Variants in RGS6 observed in about 807,000 individuals in gnomAD.
RGS6 encodes the protein regulator of G-protein signaling 6.
A neutral mutation model predicts 78.5 loss-of-function variants in RGS6; 30 were observed. The ratio of observed to expected loss-of-function variants is 0.38; its 90% CI spans 0.29 to 0.52. The LOEUF is 0.52. RGS6 is among the 20% of genes least tolerant of loss of function. RGS6 has a pLI of 0.85. For missense variants in RGS6, 495 were observed against 609.7 expected, an observed-to-expected ratio of 0.81 and a Z score of 1.98; for synonymous variants, 206 against 206.0, an observed-to-expected ratio of 1.00 and a Z score of 0.00.
intron 2 of RGS6, among the ~76,000 whole-genome samples, chr14:72,086,762 C>T (rs998571460): frequency 1.3e-5 from 2 of 152,218 alleles, no homozygotes; most frequent in Non-Finnish European, 2.9e-5. Flanking sequence ...CTGAAGCTAA[C>T]TAGTTCCTTT....
chr14:72,311,609 A>G (rs1469338953), intron 2 of RGS6, among the ~76,000 whole-genome samples: 1 of 152,194 alleles, frequency 6.6e-6, no homozygotes, highest in Non-Finnish European at 1.5e-5. Flanking sequence ...GTGATCTGGT[A>G]ATTTCCCTTG....
chr14:72,579,267 A>C, the RGS6 span, among the ~76,000 whole-genome samples: 1 of 152,200 alleles, frequency 6.6e-6, no homozygotes. Flanking sequence ...GCCCCTGAAT[A>C]GTTCAGGGCC....
At chr14:72,445,663 T>G (rs149719382) in intron 3 of RGS6, among the ~76,000 whole-genome samples, 413 of 152,322 alleles carry the variant, frequency 2.7e-3, no homozygotes, top group Non-Finnish European at 4.9e-3. Flanking sequence ...TGTTTATGTA[T>G]TATGATGTGT....
intron 2 of RGS6, among the ~76,000 whole-genome samples, chr14:72,129,030 A>T (rs528304750): frequency 9.8e-4 from 150 of 152,318 alleles, no homozygotes; most frequent in Non-Finnish European, 1.2e-3. Flanking sequence ...CCTCTTAAAA[A>T]TTTTTGCTTT....
chr14:72,113,094 G>T (rs1372134949), intron 2 of RGS6, among the ~76,000 whole-genome samples: 1 of 146,602 alleles, frequency 6.8e-6, no homozygotes, highest in Admixed American at 6.9e-5. Flanking sequence ...ACGCATGCAT[G>T]CACACACATG....
At chr14:72,541,572 G>C in intron 17 of RGS6, 2 of 1,535,710 alleles carry the variant, frequency 1.3e-6, no homozygotes, top group Non-Finnish European at 1.7e-6. Context: ...CGGGCTGTCA[G>C]AGTCAAGGCT....
At chr14:72,041,820 G>A (rs2092426841) in intron 2 of RGS6, among the ~76,000 whole-genome samples, 2 of 152,150 alleles carry the variant, frequency 1.3e-5, no homozygotes, top group Non-Finnish European at 2.9e-5. Flanking sequence ...GAGATCTGGG[G>A]CATCCTATTT....
chr14:72,157,405 C>G (rs1266720841), intron 2 of RGS6, among the ~76,000 whole-genome samples: 2 of 152,164 alleles, frequency 1.3e-5, no homozygotes, highest in African/African-American at 4.8e-5. Flanking sequence ...TCGCTTGAAA[C>G]TAGGGAAAGT....
chr14:71,992,498 G>T (rs1312738297), intron 2 of RGS6, among the ~76,000 whole-genome samples: 2 of 152,204 alleles, frequency 1.3e-5, no homozygotes, highest in Non-Finnish European at 2.9e-5. Flanking sequence ...ACAGCCCTGT[G>T]TAGTGTAGGT....
intron 1 of RGS6, among the ~76,000 whole-genome samples, chr14:71,964,054 A>G (rs1195052152): frequency 6.6e-6 from 1 of 151,874 alleles, no homozygotes; most frequent in East Asian, 1.9e-4. Flanking sequence ...AATTATAATA[A>G]TCTTAATGGG....
chr14:72,264,554 A>G (rs1306853780), intron 2 of RGS6, among the ~76,000 whole-genome samples: 1 of 152,236 alleles, frequency 6.6e-6, no homozygotes, highest in African/African-American at 2.4e-5. Flanking sequence ...GGTCAACTTG[A>G]AACTTGTTTG....
chr14:71,976,379 T>C (rs2094130440), intron 2 of RGS6, among the ~76,000 whole-genome samples: 1 of 151,054 alleles, frequency 6.6e-6, no homozygotes, highest in Non-Finnish European at 1.5e-5. Flanking sequence ...TCATCTAGCA[T>C]TAGGTATATC....
intron 17 of RGS6, among the ~76,000 whole-genome samples, chr14:72,552,209 G>A (rs1037932121): frequency 6.6e-6 from 1 of 152,222 alleles, no homozygotes; most frequent in African/African-American, 2.4e-5. Flanking sequence ...ATAAATGGCA[G>A]CTATGATTGT....
chr14:72,246,740 T>C (rs1283981353), intron 2 of RGS6, among the ~76,000 whole-genome samples: 6 of 152,014 alleles, frequency 3.9e-5, no homozygotes, highest in Admixed American at 3.9e-4. Context: ...CAAAACCCCA[T>C]CTCTACTAAA....
At position 72,529,254 on chromosome 14, in the gene RGS6, C is replaced by A. The variant is rs945085847; in HGVS notation, c.1279-6932C>A. On this transcript the variant is annotated intron_variant, in intron 15 of 17. Coordinates refer to ENST00000553525, the MANE Select transcript of RGS6 (RefSeq NM_001204424.2). ...GGGTCTGCATGGGGTGTGAGAGATC[C>A]GCAGAGGTTCTCAGATTCTGGTTTT... Among the ~76,000 whole-genome samples, 2 of 152,134 alleles carry A rather than the reference C, an allele frequency of 1.3e-5. 1 individual carries two copies. Among genetic ancestry groups the A allele is most frequent in the East Asian group, 3.9e-4 (2 of 5,194 alleles).
At chr14:72,581,723 A>G in the RGS6 span, among the ~76,000 whole-genome samples, 1 of 152,150 alleles carries the variant, frequency 6.6e-6, no homozygotes, top group South Asian at 2.1e-4. Context: ...CTCCACCTAC[A>G]AGACCAAATC....
chr14:71,903,896 CTG>C, the RGS6 span, among the ~76,000 whole-genome samples: 1 of 152,074 alleles, frequency 6.6e-6, no homozygotes, highest in Admixed American at 6.5e-5. Context: ...TGGAGACTAC[CTG>C]TTTACACATG....
At position 72,536,290 on chromosome 14, in the gene RGS6, G is replaced by A. The variant is rs764010736; in HGVS notation, c.1368+15G>A. On this transcript the variant is annotated intron_variant, in intron 16 of 17. Transcript: ENST00000553525. ...CCAAGAAGAAGGTATCTTTGGGAAG[G>A]GCAGGCTTGCTCTTAGCACTGTTGA... is the stretch of plus-strand genomic sequence containing the variant. 2 of 1,603,058 alleles carry A rather than the reference G, an allele frequency of 1.2e-6. No individual in the cohort carries two copies. The highest frequency in any genetic ancestry group is 1.7e-6 in the Non-Finnish European group (2 of 1,170,120).
intron 3 of RGS6, among the ~76,000 whole-genome samples, chr14:72,393,771 CT>C (rs917577681): frequency 1.3e-5 from 2 of 152,162 alleles, no homozygotes; most frequent in Admixed American, 1.3e-4. Context: ...AAGTCTGATT[CT>C]TTCAGTTTAC....
Sources: gnomAD v4.1 joint callset for allele counts (sites outside exome capture counted in the v4.1 genomes callset) on GRCh38, gnomAD v4.1.1 for gene constraint, MANE v1.5 for transcripts, NCBI Gene and HGNC (gene_info 2026-07-23, HGNC 2026-07-21) for gene names.